The following NFIC variants were observed in gnomAD, a reference collection of about 807,000 sequenced individuals.
NFIC encodes nuclear factor 1 C-type.
A neutral mutation model predicts 54.4 loss-of-function variants in NFIC; 12 were observed. That is an observed-to-expected ratio of 0.22 (90% CI 0.14 to 0.36). The LOEUF (loss-of-function observed/expected upper bound fraction) is 0.36, where lower values mean the gene tolerates loss of function less well. Ranked by LOEUF, NFIC falls within the 10% of genes least tolerant of loss-of-function variation. The pLI, the probability that NFIC is intolerant of heterozygous loss-of-function variation, is 1.00. For synonymous variants in NFIC, 322 were observed against 319.2 expected (o/e 1.01, Z -0.09); for missense variants, 575 against 718.2 (o/e 0.80, Z 2.28).
At chr19:3,394,512 TTTC>T (rs1259523686) in intron 2 of NFIC, among the ~76,000 whole-genome samples, 1 of 11,426 alleles carries the variant, frequency 8.8e-5, no homozygotes, top group Admixed American at 1.1e-3. Flanking sequence ...TTTATGATCT[TTTC>T]CCCACCCACC....
rs1202291582 is a variant in NFIC, at chr19:3,466,220, GTTC to G, written c.*3454_*3456del. ...CTTGTCCTTGATTTTATTTTCTTTT[GTTC>G]TTTTTTTTTTTCTTTTCTTTTTGTT... On this transcript the variant is annotated 3_prime_UTR_variant, in exon 11 of 11. Coordinates refer to ENST00000443272, the MANE Select transcript of NFIC (RefSeq NM_001245002.2). This position sits in a 1 kb window ranked among gnomAD's most constrained non-coding sequence, Gnocchi z 4.8. The G allele has an allele frequency of 9.3e-6, 1 of 107,462 alleles. No individual in the cohort carries two copies. The highest frequency in any genetic ancestry group is 5.2e-5 in the African/African-American group (1 of 19,192). 6.7% of individuals were successfully genotyped at this position (107,462 alleles called of 1,614,324 possible).
chr19:3,380,822 G>T (rs541120675), intron 1 of NFIC, among the ~76,000 whole-genome samples: 1 of 151,768 alleles, frequency 6.6e-6, no homozygotes, highest in African/African-American at 2.4e-5. Context: ...GATTTTGTTT[G>T]TTCATTTGTT....
rs1250096100 is a variant in NFIC, at chr19:3,464,599, C to T, written c.*1830C>T. 5.1e-6 allele frequency: 5 copies of T among 971,600 alleles called. No homozygotes were observed. The highest frequency in any genetic ancestry group is 6.1e-6 in the Non-Finnish European group (5 of 818,494). The allele number at this position is 971,600 out of a possible 1,614,324, so 60.2% of individuals were successfully genotyped here. ...CCCCCACCACTGCCCCCTCCCCCGACCCAGGCCAAAGCCAGGGCAGGTCTC... is the reference window on the plus strand; with the variant it reads ...CCCCCACCACTGCCCCCTCCCCCGATCCAGGCCAAAGCCAGGGCAGGTCTC... On this transcript the variant is annotated 3_prime_UTR_variant, in exon 11 of 11. Coordinates refer to ENST00000443272, the MANE Select transcript of NFIC (RefSeq NM_001245002.2).
At chr19:3,392,659 G>T (rs1248976669) in intron 2 of NFIC, among the ~76,000 whole-genome samples, 2 of 152,230 alleles carry the variant, frequency 1.3e-5, no homozygotes, top group Admixed American at 6.5e-5. Flanking sequence ...TGTCACCCTG[G>T]CCCTGTGCCT....
In NFIC at chr19:3,458,088, G is replaced by A. The variant is rs753498431; in HGVS notation, c.1509+1453G>A. Reference sequence around the variant, plus strand: ...AGCCTTTGAAGGGCACTGGGGGACAGAAAGGGCACTGAAAGGTTCAGGCTT... The same window carrying A: ...AGCCTTTGAAGGGCACTGGGGGACAAAAAGGGCACTGAAAGGTTCAGGCTT... On this transcript the variant is annotated intron_variant, in intron 10 of 10. Transcript: ENST00000443272. The surrounding 1 kb of genome is among the most constrained non-coding windows in gnomAD (Gnocchi z 4.1). The A allele has an allele frequency of 6.6e-6, 1 of 152,496 alleles. No homozygotes were observed. Among genetic ancestry groups the A allele is most frequent in the Admixed American group, 6.5e-5 (1 of 15,290 alleles). 9.4% of individuals were successfully genotyped at this position (152,496 alleles called of 1,614,324 possible).
intron 2 of NFIC, among the ~76,000 whole-genome samples, chr19:3,399,445 G>A (rs1426892846): frequency 1.3e-5 from 2 of 152,050 alleles, no homozygotes; most frequent in Non-Finnish European, 2.9e-5. Flanking sequence ...GCATGGTGAT[G>A]TGTGCCTGTA....
At chr19:3,392,885 C>G (rs2081397155) in intron 2 of NFIC, among the ~76,000 whole-genome samples, 1 of 152,206 alleles carries the variant, frequency 6.6e-6, no homozygotes, top group Non-Finnish European at 1.5e-5. Context: ...GAGGCATTGC[C>G]CCGAGTTGCC....
intron 3 of NFIC, among the ~76,000 whole-genome samples, chr19:3,429,136 T>TAC (rs57006287): frequency 0.034 from 2,818 of 83,780 alleles, 135 homozygotes; most frequent in African/African-American, 0.087. Context: ...AAAAAAAATA[T>TAC]ACACACACAC....
chr19:3,408,261 G>A (rs2081689502), intron 2 of NFIC, among the ~76,000 whole-genome samples: 1 of 152,118 alleles, frequency 6.6e-6, no homozygotes, highest in Non-Finnish European at 1.5e-5. Flanking sequence ...AAATAAGTGT[G>A]ATTATGGTTT....
At chr19:3,403,701 C>T (rs1024636823) in intron 2 of NFIC, among the ~76,000 whole-genome samples, 2 of 152,252 alleles carry the variant, frequency 1.3e-5, no homozygotes, top group African/African-American at 4.8e-5. Context: ...CTCCTGCCTC[C>T]TTTGGCTGGG....
chr19:3,361,846 T>TTA (rs1282153429), upstream of NFIC, among the ~76,000 whole-genome samples: 5 of 150,660 alleles, frequency 3.3e-5, no homozygotes, highest in Non-Finnish European at 5.9e-5. Flanking sequence ...GCAGTCATAG[T>TTA]TACACACACA....
chr19:3,401,224 A>G (rs2081549865), intron 2 of NFIC, among the ~76,000 whole-genome samples: 1 of 152,142 alleles, frequency 6.6e-6, no homozygotes, highest in Admixed American at 6.6e-5. Context: ...CTTTGACCCC[A>G]AGGCAGGTGG....
intron 6 of NFIC, among the ~76,000 whole-genome samples, 156 bp downstream of exon 6, chr19:3,435,363 T>C (rs1002254481): frequency 5.3e-5 from 8 of 152,210 alleles, no homozygotes; most frequent in African/African-American, 1.9e-4. Context: ...GAGCTGCGCT[T>C]GGCTGGAAGT....
At chr19:3,424,963 A>G (rs2082005037) in intron 2 of NFIC, 143 bp from the exon 3 acceptor site, 3 of 784,312 alleles carry the variant, frequency 3.8e-6, no homozygotes, top group African/African-American at 3.5e-5. Context: ...GAGAGACCCC[A>G]GGGCCTGGGT....
intron 2 of NFIC, among the ~76,000 whole-genome samples, chr19:3,407,170 G>A (rs745635922): frequency 1.4e-5 from 2 of 148,082 alleles, no homozygotes; most frequent in Non-Finnish European, 1.5e-5. Context: ...CTGGAGTGCA[G>A]TGGTGCGATC....
chr19:3,463,464 C>T lies in NFIC; in HGVS notation c.*695C>T, dbSNP rs535841302. 4.6e-5 allele frequency: 45 copies of T among 985,378 alleles called. 1 individual carries two copies. In the South Asian group the frequency reaches 1.9e-3, roughly 41 times the overall value. 61.0% of individuals were successfully genotyped at this position (985,378 alleles called of 1,614,324 possible). On this transcript the variant is annotated 3_prime_UTR_variant, in exon 11 of 11. Transcript: ENST00000443272. ...CCCTGGCCAGGGGAGGAAGTGAGGC[C>T]CAGGCACCTGCTGCCCCTCGAGGGG...
At chr19:3,438,702 G>C (rs550228421) in intron 6 of NFIC, among the ~76,000 whole-genome samples, 45 of 152,072 alleles carry the variant, frequency 3.0e-4, no homozygotes, top group African/African-American at 1.1e-3. Flanking sequence ...CTCCCAAAGT[G>C]CTGGGATTAC....
intron 2 of NFIC, among the ~76,000 whole-genome samples, chr19:3,391,522 C>T (rs1469180908): frequency 1.3e-5 from 2 of 151,522 alleles, no homozygotes; most frequent in East Asian, 1.9e-4. Flanking sequence ...GTAGGCCAGG[C>T]GCGGTGGCTC....
Position 3,375,184 on chromosome 19 carries a change from A to G in NFIC, c.31-6528A>G, listed in dbSNP as rs1386483456. On this transcript the variant is annotated intron_variant, in intron 1 of 10. Coordinates refer to ENST00000443272, the MANE Select transcript of NFIC (RefSeq NM_001245002.2). This position sits in a 1 kb window ranked among gnomAD's most constrained non-coding sequence, Gnocchi z 4.6. ...TGGGGGGACAGTGATCCCTGCCCCC[A>G]TCATGGATGCCTCCCCTGTCCCTTC... Among the ~76,000 whole-genome samples, 1 of 152,058 alleles carries G rather than the reference A, an allele frequency of 6.6e-6. No homozygotes were observed. The highest frequency in any genetic ancestry group is 1.5e-5 in the Non-Finnish European group (1 of 67,982).
Sources: gnomAD v4.1 joint callset for allele counts (sites outside exome capture counted in the v4.1 genomes callset) on GRCh38, gnomAD v4.1.1 for gene constraint, Gnocchi (gnomAD v3.1) non-coding constraint, MANE v1.5 for transcripts, NCBI Gene and HGNC (gene_info 2026-07-23, HGNC 2026-07-21) for gene names.